Variants in LYRM9 observed in about 807,000 individuals in gnomAD.
LYRM9 encodes the protein LYR motif containing 9.
LYRM9 carries 14 observed loss-of-function variants against 12.6 expected under a neutral mutation model. That is an observed-to-expected ratio of 1.11 (90% CI 0.73 to 1.73). The LOEUF (loss-of-function observed/expected upper bound fraction) is 1.73, where lower values mean the gene tolerates loss of function less well. LYRM9 is among the 40% of genes most tolerant of loss of function. LYRM9 has a pLI of 0.00. For missense variants in LYRM9, 94 were observed against 95.0 expected, an observed-to-expected ratio of 0.99 and a Z score of 0.04; for synonymous variants, 42 against 35.1, an observed-to-expected ratio of 1.20 and a Z score of -0.69.
At chr17:27,887,408 AAT>A (rs1905265101) in intron 1 of LYRM9, among the ~76,000 whole-genome samples, 1 of 152,244 alleles carries the variant, frequency 6.6e-6, no homozygotes, top group African/African-American at 2.4e-5. Flanking sequence ...ATCAAATTGA[AAT>A]GTGGACCCGG....
intron 2 of LYRM9, among the ~76,000 whole-genome samples, chr17:27,881,514 T>G (rs1376674434): frequency 1.3e-5 from 2 of 152,010 alleles, no homozygotes; most frequent in Admixed American, 6.5e-5. Context: ...GATTTCTCAC[T>G]TACAGAAAGT....
At chr17:27,883,500 A>G (rs575363593) in intron 1 of LYRM9, among the ~76,000 whole-genome samples, 4 of 152,172 alleles carry the variant, frequency 2.6e-5, no homozygotes, top group South Asian at 2.1e-4. Context: ...AAATACAAAA[A>G]TTAGCCAGGC....
intron 1 of LYRM9, among the ~76,000 whole-genome samples, chr17:27,887,439 TGA>T (rs1464581179): frequency 6.6e-6 from 1 of 152,218 alleles, no homozygotes; most frequent in Non-Finnish European, 1.5e-5. Flanking sequence ...ATGAGGGTCC[TGA>T]AGTGTGGAAA....
At position 27,879,120 on chromosome 17, in the gene LYRM9, G is replaced by C. The variant is rs1390381509; in HGVS notation, c.*353C>G. 1 of 226,966 alleles carries C rather than the reference G, an allele frequency of 4.4e-6. No homozygotes were observed. Among genetic ancestry groups the C allele is most frequent in the Non-Finnish European group, 8.7e-6 (1 of 115,008 alleles). 14.1% of individuals were successfully genotyped at this position (226,966 alleles called of 1,614,324 possible). A position where few individuals can be genotyped will look rare whatever the true frequency, so the allele number is the denominator to read the frequency against. ...TCTTCTGTACAGGTTGCTACCTGAG[G>C]GGACATCTGCTCTGGGACTCAGAGA... On this transcript the variant is annotated 3_prime_UTR_variant, in exon 4 of 4. Coordinates refer to ENST00000379102, the MANE Select transcript of LYRM9 (RefSeq NM_001076680.3).
intron 1 of LYRM9, among the ~76,000 whole-genome samples, chr17:27,891,732 T>A (rs1219944052): frequency 1.3e-5 from 2 of 152,158 alleles, no homozygotes; most frequent in African/African-American, 4.8e-5. Context: ...AGAACCCTAG[T>A]TTAAAAGCCT....
At chr17:27,887,332 C>T (rs1440532470) in intron 1 of LYRM9, among the ~76,000 whole-genome samples, 9 of 152,230 alleles carry the variant, frequency 5.9e-5, no homozygotes, top group South Asian at 4.1e-4. Context: ...GGGAAAAACA[C>T]GTTTTCATAG....
intron 3 of LYRM9, chr17:27,879,866 G>A (rs774836671): frequency 1.0e-5 from 6 of 574,512 alleles, no homozygotes; most frequent in Middle Eastern, 9.0e-4. Flanking sequence ...AAAACATACT[G>A]AATGTTTCCT....
chr17:27,890,511 T>C lies in LYRM9; in HGVS notation c.-19+2806A>G, dbSNP rs1010874339. Among the ~76,000 whole-genome samples, 5 of 152,194 alleles carry C rather than the reference T, an allele frequency of 3.3e-5. 1 individual carries two copies. The South Asian group carries it at 1.0e-3, about 32-fold the overall frequency. On this transcript the variant is annotated intron_variant, in intron 1 of 3. Transcript: ENST00000379102. ...CTCTTACCAAATCCAAAGGAGAATA[T>C]GACAGAATTTTTAAAAAGAGAAAAT... is the stretch of plus-strand genomic sequence containing the variant.
chr17:27,890,286 G>A (rs1461564153), intron 1 of LYRM9, among the ~76,000 whole-genome samples: 7 of 152,088 alleles, frequency 4.6e-5, no homozygotes, highest in Admixed American at 4.6e-4. Context: ...AAAGGCACTT[G>A]ACTGCACTAT....
chr17:27,885,866 G>A (rs997768499), intron 1 of LYRM9, among the ~76,000 whole-genome samples: 3 of 152,118 alleles, frequency 2.0e-5, no homozygotes, highest in Non-Finnish European at 2.9e-5. Context: ...GGTACTAACT[G>A]ATGGACAGAT....
chr17:27,880,002 T>G (rs2142579143), intron 3 of LYRM9: 1 of 648,470 alleles, frequency 1.5e-6, no homozygotes, highest in South Asian at 1.7e-5. Context: ...TCCTTCTTCC[T>G]GCTGCCCCCT....
At chr17:27,892,394 T>C (rs963898489) in intron 1 of LYRM9, 6 of 455,772 alleles carry the variant, frequency 1.3e-5, no homozygotes, top group East Asian at 6.9e-5. Flanking sequence ...CCACAGTTTA[T>C]AGTACCTGAA....
chr17:27,883,172 G>C (rs1208076387), intron 1 of LYRM9: 1 of 360,782 alleles, frequency 2.8e-6, no homozygotes, highest in Non-Finnish European at 5.7e-6. Context: ...AAAACCCACA[G>C]CATCGGGAGC....
At chr17:27,879,552 G>T in intron 3 of LYRM9, 62 bp from the exon 4 acceptor site, 1 of 1,529,344 alleles carries the variant, frequency 6.5e-7, no homozygotes, top group Non-Finnish European at 8.9e-7. Context: ...GGACTCTGGA[G>T]AAATCTCAGG....
At chr17:27,889,291 C>G (rs1273191145) in intron 1 of LYRM9, among the ~76,000 whole-genome samples, 1 of 151,920 alleles carries the variant, frequency 6.6e-6, no homozygotes, top group East Asian at 1.9e-4. Context: ...TTTCCATGTG[C>G]TGCTCTTTTT....
chr17:27,892,790 T>C (rs1276556904), intron 1 of LYRM9: 1 of 164,332 alleles, frequency 6.1e-6, no homozygotes, highest in Non-Finnish European at 1.3e-5. Flanking sequence ...GTGAACTGTA[T>C]GCTTCGTGAA....
intron 1 of LYRM9, chr17:27,891,841 C>T (rs1451672736): frequency 1.3e-5 from 2 of 152,364 alleles, no homozygotes; most frequent in African/African-American, 4.8e-5. Flanking sequence ...AATAACCCAC[C>T]TCACAGGGGT....
chr17:27,891,099 G>A (rs1905429082), intron 1 of LYRM9, among the ~76,000 whole-genome samples: 1 of 151,946 alleles, frequency 6.6e-6, no homozygotes, highest in Non-Finnish European at 1.5e-5. Context: ...TCCACATGGT[G>A]CCACCCAAGA....
intron 2 of LYRM9, among the ~76,000 whole-genome samples, chr17:27,881,896 C>A (rs1905073821): frequency 6.6e-6 from 1 of 152,038 alleles, no homozygotes; most frequent in South Asian, 2.1e-4. Flanking sequence ...CAGCCTCGAC[C>A]TCCGGGCTCA....
Sources: gnomAD v4.1 joint callset for allele counts (sites outside exome capture counted in the v4.1 genomes callset) on GRCh38, gnomAD v4.1.1 for gene constraint, MANE v1.5 for transcripts, NCBI Gene and HGNC (gene_info 2026-07-23, HGNC 2026-07-21) for gene names.